Variants in GALNT13 observed in about 807,000 individuals in gnomAD.
GALNT13 encodes polypeptide N-acetylgalactosaminyltransferase 13, also known as UDP-GalNAc:polypeptide N-acetylgalactosaminyltransferase 13.
Under a neutral mutation model 64.2 loss-of-function variants are expected in GALNT13, and 28 were observed. The observed-to-expected ratio is 0.44, with a 90% CI of 0.32 to 0.60. The LOEUF (loss-of-function observed/expected upper bound fraction) is 0.60. Ranked by LOEUF, GALNT13 falls within the 20% of genes least tolerant of loss-of-function variation. GALNT13 has a pLI of 0.05. For synonymous variants in GALNT13, 214 were observed against 224.6 expected, an observed-to-expected ratio of 0.95 and a Z score of 0.42; for missense variants, 577 against 669.8, an observed-to-expected ratio of 0.86 and a Z score of 1.53.
In GALNT13 at chr2:154,417,631, C is replaced by T. The variant is rs553866348; in HGVS notation, c.1395+8549C>T. Among the ~76,000 whole-genome samples, 332 of 151,508 alleles carry T rather than the reference C, an allele frequency of 2.2e-3. 2 individuals are homozygous for T. Among genetic ancestry groups the T allele is most frequent in the South Asian group, 7.5e-3 (36 of 4,806 alleles). ...GTTCAAGTGATTCTCCTACCTCAGC[C>T]CCCCCGAGTAGCTGGGATTACAGGA... On this transcript the variant is annotated intron_variant, in intron 11 of 12. Transcript: ENST00000392825.
chr2:153,453,501 A>G, the GALNT13 span, among the ~76,000 whole-genome samples: 1 of 152,364 alleles, frequency 6.6e-6, no homozygotes, highest in Non-Finnish European at 1.5e-5. Context: ...TGAGCAGCCA[A>G]CAAACATTAA....
the GALNT13 span, among the ~76,000 whole-genome samples, chr2:153,675,088 A>G: frequency 1.3e-5 from 2 of 152,350 alleles, no homozygotes; most frequent in South Asian, 4.1e-4. Context: ...ATGCTTTTGC[A>G]CTGTTTGCAG....
At chr2:153,746,610 G>A in the GALNT13 span, among the ~76,000 whole-genome samples, 1 of 152,112 alleles carries the variant, frequency 6.6e-6, no homozygotes. Context: ...TTTAGTACAT[G>A]TCTTTTGGAG....
intron 9 of GALNT13, among the ~76,000 whole-genome samples, chr2:154,351,674 C>A: frequency 1.2e-5 from 1 of 86,674 alleles, no homozygotes. Context: ...CAAAGCGAGA[C>A]TCCGTCTCAA....
chr2:153,374,629 T>C, the GALNT13 span, among the ~76,000 whole-genome samples: 3 of 152,076 alleles, frequency 2.0e-5, no homozygotes, highest in South Asian at 6.2e-4. Context: ...GCTTTTATGA[T>C]ATAAGAGAAT....
chr2:154,075,387 A>G (rs1405938582), intron 3 of GALNT13, among the ~76,000 whole-genome samples: 1 of 151,864 alleles, frequency 6.6e-6, no homozygotes, highest in Non-Finnish European at 1.5e-5. Flanking sequence ...CATCCATACC[A>G]TACATAAAAC....
At chr2:154,187,166 A>G (rs976513763) in intron 4 of GALNT13, among the ~76,000 whole-genome samples, 3 of 152,238 alleles carry the variant, frequency 2.0e-5, no homozygotes, top group East Asian at 1.9e-4. Flanking sequence ...CTTAATCAAG[A>G]TCTGATAAAG....
At chr2:153,280,091 T>C in the GALNT13 span, among the ~76,000 whole-genome samples, 2 of 152,256 alleles carry the variant, frequency 1.3e-5, no homozygotes, top group African/African-American at 4.8e-5. Flanking sequence ...TGATTCAGTC[T>C]TGAGGGGGTT....
At chr2:154,192,378 C>T (rs1211024472) in intron 4 of GALNT13, among the ~76,000 whole-genome samples, 2 of 152,172 alleles carry the variant, frequency 1.3e-5, no homozygotes, top group African/African-American at 4.8e-5. Context: ...CGGGTCCAGG[C>T]CCGGGGGTGG....
intron 3 of GALNT13, among the ~76,000 whole-genome samples, chr2:154,026,191 C>G (rs139703103): frequency 0.02 from 3,099 of 152,198 alleles, 55 homozygotes; most frequent in Middle Eastern, 0.044. Context: ...GAAATGAGAT[C>G]TAATATTACA....
intron 3 of GALNT13, among the ~76,000 whole-genome samples, chr2:154,005,717 T>TG (rs1696202933): frequency 6.6e-6 from 1 of 152,176 alleles, no homozygotes; most frequent in Non-Finnish European, 1.5e-5. Flanking sequence ...TCGATTTATT[T>TG]TTTTTTTGTG....
intron 9 of GALNT13, among the ~76,000 whole-genome samples, chr2:154,377,466 G>A (rs976320947): frequency 1.8e-4 from 27 of 152,034 alleles, no homozygotes; most frequent in African/African-American, 6.0e-4. Flanking sequence ...CCTTTTCTTT[G>A]CACTTGCTCC....
the GALNT13 span, among the ~76,000 whole-genome samples, chr2:153,850,825 A>G: frequency 1.3e-5 from 2 of 152,200 alleles, no homozygotes; most frequent in African/African-American, 4.8e-5. Flanking sequence ...AAGAATAGCA[A>G]CAGAAAGTAG....
At chr2:154,117,731 G>A (rs929688321) in intron 3 of GALNT13, among the ~76,000 whole-genome samples, 5 of 152,112 alleles carry the variant, frequency 3.3e-5, no homozygotes, top group African/African-American at 1.2e-4. Context: ...AAAACATAAA[G>A]TGGGGGAAAG....
chr2:153,669,263 C>A, the GALNT13 span, among the ~76,000 whole-genome samples: 1 of 152,296 alleles, frequency 6.6e-6, no homozygotes, highest in Admixed American at 6.5e-5. Context: ...CCTGCCATTG[C>A]TTTGATGGTG....
chr2:154,456,211 TGTTTTGGTCAG>T (rs1702031604), downstream of GALNT13, among the ~76,000 whole-genome samples: 1 of 151,608 alleles, frequency 6.6e-6, no homozygotes, highest in Middle Eastern at 3.4e-3. Context: ...TTGTTGTTGT[TGTTTTGGTCAG>T]TGTAGCCACA....
In GALNT13 at chr2:154,242,585, T is replaced by C. The variant is rs944906787; in HGVS notation, c.479-113T>C. 5 of 664,376 alleles carry C rather than the reference T, an allele frequency of 7.5e-6. No individual in the cohort carries two copies. In the African/African-American group the frequency reaches 9.1e-5, roughly 12 times the overall value. 41.2% of individuals were successfully genotyped at this position (664,376 alleles called of 1,614,324 possible). The stretch of plus-strand genomic sequence containing the variant: ...ATTTTATATCTAAGGCAGTAAATAC[T>C]GATAGGAATTGGCCACCATTTCTGT... On this transcript the variant is annotated intron_variant, in intron 5 of 12. Coordinates refer to ENST00000392825, the MANE Select transcript of GALNT13 (RefSeq NM_052917.4).
At chr2:153,741,950 C>A in the GALNT13 span, among the ~76,000 whole-genome samples, 1 of 151,980 alleles carries the variant, frequency 6.6e-6, no homozygotes, top group Non-Finnish European at 1.5e-5. Context: ...TTAATATAGC[C>A]ATCATTTCAA....
the GALNT13 span, among the ~76,000 whole-genome samples, chr2:153,410,874 TAGAGAG>T: frequency 2.7e-5 from 4 of 147,390 alleles, no homozygotes; most frequent in East Asian, 2.0e-4. Flanking sequence ...AATATATATT[TAGAGAG>T]AGAGAGAGAG....
Sources: allele counts gnomAD v4.1 joint callset (sites outside exome capture counted in the v4.1 genomes callset), GRCh38; gene constraint gnomAD v4.1.1; transcripts MANE v1.5; gene names NCBI Gene and HGNC (gene_info 2026-07-23, HGNC 2026-07-21).